The following EEF2K variants were observed in gnomAD, a reference collection of about 807,000 sequenced individuals.
EEF2K encodes the protein alternative protein EEF2K.
A neutral mutation model predicts 93.8 loss-of-function variants in EEF2K; 70 were observed. The observed-to-expected ratio is 0.75, with a 90% CI of 0.62 to 0.91. The LOEUF (loss-of-function observed/expected upper bound fraction) is 0.91. Among genes scored for constraint, EEF2K ranks in the 40% least tolerant of loss-of-function variants. The probability of loss-of-function intolerance (pLI) is 0.00; values close to 1 mark genes in which losing one functional copy is unlikely to be tolerated. For missense variants in EEF2K, 935 were observed against 972.9 expected (o/e 0.96, Z 0.52); for synonymous variants, 376 against 380.8 (o/e 0.99, Z 0.15).
chr16:22,207,462 C>G (rs78631569), intron 1 of EEF2K, among the ~76,000 whole-genome samples: 2,564 of 152,308 alleles, frequency 0.017, 76 homozygotes, highest in African/African-American at 0.058. Context: ...CATTTATGCT[C>G]TCTGGCCCTC....
rs11640501 is a variant in EEF2K at position 22,257,205 on chromosome 16, A to T, written c.769-48A>T. The T allele has an allele frequency of 1.9e-6, 3 of 1,613,158 alleles. No homozygotes were observed. The East Asian group carries it at 6.7e-5, about 36-fold the overall frequency. On this transcript the variant is annotated intron_variant, in intron 7 of 17. Coordinates refer to ENST00000263026, the MANE Select transcript of EEF2K (RefSeq NM_013302.5). ...AGAGGCGTGGCCAGTGCCTGCACAG[A>T]CCTCAGCCTGTCTCTTGACATCTCG...
intron 1 of EEF2K, among the ~76,000 whole-genome samples, chr16:22,218,397 C>T (rs952613952): frequency 2.6e-5 from 4 of 152,154 alleles, no homozygotes; most frequent in African/African-American, 4.8e-5. Flanking sequence ...CCAGGAGTGG[C>T]GGTGGGAAGA....
chr16:22,256,876 C>T lies in EEF2K; in HGVS notation c.747C>T (p.Asp249=), dbSNP rs770695719. The T allele has an allele frequency of 8.7e-6, 14 of 1,614,128 alleles. No homozygotes were observed. The highest frequency in any genetic ancestry group is 1.7e-5 in the Admixed American group (1 of 60,018). ...CCAACTCTGGCTTTGTCCGCGATGA[C>T]AACATCCGCCTGACGCCGCAGGTGA... ...YNSNSGFVRD[D]NIRLTPQAFS... Residue 249 remains aspartate (D), a synonymous_variant, in exon 7 of 18, where the codon GAC becomes GAT. Transcript: ENST00000263026.
intron 2 of EEF2K, among the ~76,000 whole-genome samples, chr16:22,228,419 C>T (rs566880295): frequency 2.0e-4 from 30 of 152,068 alleles, no homozygotes; most frequent in Admixed American, 1.0e-3. Context: ...GTCAGGATTT[C>T]GAGACCAGCC....
In EEF2K at chr16:22,257,774, G is replaced by A. The variant is rs767168592; in HGVS notation, c.1029+4G>A. 10 of 1,613,176 alleles carry A rather than the reference G, an allele frequency of 6.2e-6. No individual in the cohort carries two copies. Among genetic ancestry groups the A allele is most frequent in the Non-Finnish European group, 8.5e-6 (10 of 1,179,792 alleles). On this transcript the variant is annotated splice_donor_region_variant and intron_variant, in intron 9 of 17. Transcript: ENST00000263026. ...GAATCAGAACACCAAGCTGCTGGTG[G>A]GTGCCCAGTGTGACCCTGCTTGGCC...
In EEF2K at chr16:22,284,066, C is replaced by A; in HGVS notation, c.*70C>A. The stretch of plus-strand genomic sequence containing the variant: ...GGAAAGATTAAAAAAACAACAACAA[C>A]AACTTATTTAGTTTGGGGAGGGGAA... On this transcript the variant is annotated 3_prime_UTR_variant, in exon 18 of 18. Coordinates refer to ENST00000263026, the MANE Select transcript of EEF2K (RefSeq NM_013302.5). 7.4e-7 allele frequency: 1 copy of A among 1,344,022 alleles called. No homozygotes were observed. The highest frequency in any genetic ancestry group is 1.0e-6 in the Non-Finnish European group (1 of 972,924). The allele number at this position is 1,344,022 out of a possible 1,614,324, so 83.3% of individuals were successfully genotyped here.
Position 22,257,649 on chromosome 16 carries a change from G to A in EEF2K, c.908G>A (p.Arg303His), listed in dbSNP as rs757380687. 21 of 1,613,058 alleles carry A rather than the reference G, an allele frequency of 1.3e-5. No individual in the cohort carries two copies. In the East Asian group the frequency reaches 1.3e-4, roughly 10 times the overall value. ...TDFGDGNLGV[R>H]GMALFFYSHA... is the part of the protein sequence containing the mutation. The stretch of plus-strand genomic sequence containing the variant: ...ACCCCCGCTCTGTCCACAGGTGTCC[G>A]CGGGATGGCGCTCTTCTTCTACTCT... The change falls in exon 9 of 18, where the codon CGC becomes CAC. Residue 303 changes from arginine to histidine, a missense_variant. Transcript: ENST00000263026.
chr16:22,278,585 A>G (rs1000454026), intron 16 of EEF2K, among the ~76,000 whole-genome samples: 4 of 152,154 alleles, frequency 2.6e-5, no homozygotes, highest in African/African-American at 7.2e-5. Context: ...CGCCTGTCAG[A>G]CAGGGCCGCA....
At chr16:22,217,936 A>G (rs777168092) in intron 1 of EEF2K, among the ~76,000 whole-genome samples, 2 of 152,110 alleles carry the variant, frequency 1.3e-5, no homozygotes, top group African/African-American at 2.4e-5. Context: ...CATCATCGCT[A>G]TTCATTTTTC....
chr16:22,259,567 A>C (rs1465307186), intron 10 of EEF2K, among the ~76,000 whole-genome samples: 1 of 152,156 alleles, frequency 6.6e-6, no homozygotes, highest in Non-Finnish European at 1.5e-5. Context: ...TACCATAGAA[A>C]ATATTAAGTG....
Position 22,273,628 on chromosome 16 carries a change from G to T in EEF2K, c.1767G>T (p.Glu589Asp). 6.2e-7 allele frequency: 1 copy of T among 1,614,106 alleles called. No homozygotes were observed. Among genetic ancestry groups the T allele is most frequent in the Non-Finnish European group, 8.5e-7 (1 of 1,180,012 alleles). Residue 589 changes from glutamate to aspartate, a missense_variant and splice_region_variant, in exon 16 of 18, where the codon GAG becomes GAT. Glu to Asp is a conservative substitution (Grantham distance 45, BLOSUM62 2). Coordinates refer to ENST00000263026, the MANE Select transcript of EEF2K (RefSeq NM_013302.5). The part of the protein sequence containing the change: ...HHILADVSLK[E>D]TEENKTKGFD... ...CCCTCTTTGGTTTGTATCAACAGGA[G>T]ACAGAAGAGAACAAAACCAAAGGAT...
At position 22,288,032 on chromosome 16, in the gene EEF2K, C is replaced by T. The variant is rs1413752135; in HGVS notation, c.*4036C>T. Reference sequence around the variant, plus strand: ...TGAGGTGGAGTCTCGCTCTGTTGCCCAGATTCAAGTGCAATGGCACGTTTT... The same window carrying T: ...TGAGGTGGAGTCTCGCTCTGTTGCCTAGATTCAAGTGCAATGGCACGTTTT... On this transcript the variant is annotated 3_prime_UTR_variant, in exon 18 of 18. Coordinates refer to ENST00000263026, the MANE Select transcript of EEF2K (RefSeq NM_013302.5). 3 of 149,530 alleles carry T rather than the reference C, an allele frequency of 2.0e-5. No individual in the cohort carries two copies. The highest frequency in any genetic ancestry group is 6.7e-5 in the Admixed American group (1 of 14,830). The allele number at this position is 149,530 out of a possible 1,614,324, so 9.3% of individuals were successfully genotyped here.
intron 6 of EEF2K, among the ~76,000 whole-genome samples, chr16:22,255,182 A>C (rs1411375515): frequency 1.3e-5 from 2 of 152,204 alleles, no homozygotes; most frequent in African/African-American, 2.4e-5. Context: ...AGGCACAGAG[A>C]GGTGAAATTC....
chr16:22,258,203 G>A (rs144717341), intron 9 of EEF2K, among the ~76,000 whole-genome samples: 1 of 152,262 alleles, frequency 6.6e-6, no homozygotes, highest in African/African-American at 2.4e-5. Context: ...AGCTTGGGAT[G>A]CTGGACATAG....
intron 16 of EEF2K, among the ~76,000 whole-genome samples, chr16:22,277,241 A>T (rs1249789168): frequency 6.6e-6 from 1 of 152,106 alleles, no homozygotes; most frequent in East Asian, 1.9e-4. Flanking sequence ...GGCTCAGGCT[A>T]TCCTCCCGCC....
chr16:22,249,618 T>G (rs181665767), intron 4 of EEF2K, among the ~76,000 whole-genome samples: 1 of 152,128 alleles, frequency 6.6e-6, no homozygotes, highest in Admixed American at 6.5e-5. Flanking sequence ...CAGGTATTCT[T>G]TTTTAGAGAC....
At chr16:22,262,001 CCACACACACACACACACACACACA>C (rs71151667) in intron 11 of EEF2K, among the ~76,000 whole-genome samples, 22 of 138,016 alleles carry the variant, frequency 1.6e-4, no homozygotes, top group African/African-American at 5.4e-4. Context: ...TGAGACCCTG[CCACACACACACACACACACACACA>C]CACACACACA....
intron 17 of EEF2K, among the ~76,000 whole-genome samples, chr16:22,280,631 G>C (rs1489904179): frequency 6.7e-6 from 1 of 149,682 alleles, no homozygotes; most frequent in Non-Finnish European, 1.5e-5. Flanking sequence ...AAAGTATATA[G>C]TTTAGTAGGG....
At position 22,286,634 on chromosome 16, in the gene EEF2K, C is replaced by T. The variant is rs570318143; in HGVS notation, c.*2638C>T. 2.6e-5 allele frequency: 4 copies of T among 152,332 alleles called. No homozygotes were observed. The highest frequency in any genetic ancestry group is 4.1e-4 in the South Asian group (2 of 4,830). 9.4% of individuals were successfully genotyped at this position (152,332 alleles called of 1,614,324 possible). A position where few individuals can be genotyped will look rare whatever the true frequency, so the allele number is the denominator to read the frequency against. ...TCCAATAAAACTTTATTTACACAAA[C>T]GGGTGGCCCTTTTGGGCTGTAGTTT... is the stretch of plus-strand genomic sequence containing the variant. On this transcript the variant is annotated 3_prime_UTR_variant, in exon 18 of 18. Transcript: ENST00000263026.
Sources: allele counts gnomAD v4.1 joint callset (sites outside exome capture counted in the v4.1 genomes callset), GRCh38; gene constraint gnomAD v4.1.1; transcripts MANE v1.5; gene names NCBI Gene and HGNC (gene_info 2026-07-23, HGNC 2026-07-21).